The following DAB1 variants were observed in gnomAD, a reference collection of about 807,000 sequenced individuals.
DAB1 encodes the protein DAB adaptor protein 1.
In DAB1, 15 loss-of-function variants were observed where a neutral mutation model predicts 64.6. That is an observed-to-expected ratio of 0.23 (90% CI 0.16 to 0.36). DAB1 has a LOEUF of 0.36. DAB1 is among the 10% of genes least tolerant of loss of function. The pLI, the probability that DAB1 is intolerant of heterozygous loss-of-function variation, is 1.00. For missense variants in DAB1, 596 were observed against 706.7 expected (o/e 0.84, Z 1.78); for synonymous variants, 235 against 251.9 (o/e 0.93, Z 0.64).
downstream of DAB1, among the ~76,000 whole-genome samples, chr1:57,823,748 GC>G (rs1652227155): frequency 1.3e-5 from 2 of 152,074 alleles, no homozygotes; most frequent in African/African-American, 4.8e-5. Flanking sequence ...CATTTTTGGG[GC>G]CCCCATTCTC....
At chr1:57,733,619 A>C (rs1308034202) in intron 6 of DAB1, among the ~76,000 whole-genome samples, 2 of 152,182 alleles carry the variant, frequency 1.3e-5, no homozygotes, top group East Asian at 1.9e-4. Context: ...ATCTGCCCTC[A>C]GTATAGATAT....
upstream of DAB1, among the ~76,000 whole-genome samples, chr1:57,426,874 A>ATATATATTTTTTTT (rs57970737): frequency 6.7e-6 from 1 of 149,184 alleles, no homozygotes; most frequent in African/African-American, 2.5e-5. Flanking sequence ...ATATATATAT[A>ATATATATTTTTTTT]TTTTTTTGAG....
At chr1:58,473,749 A>G (rs1243309300) in intron 3 of DAB1, 1 of 485,812 alleles carries the variant, frequency 2.1e-6, no homozygotes. Context: ...TGATCTTACC[A>G]AGCCCTAATG....
intron 6 of DAB1, among the ~76,000 whole-genome samples, chr1:57,798,829 G>GT (rs1225261503): frequency 5.9e-5 from 9 of 152,302 alleles, no homozygotes; most frequent in African/African-American, 2.2e-4. Flanking sequence ...TGTTCCTTCT[G>GT]TTATCATTGA....
At chr1:57,072,064 T>TAA (rs71800606) in intron 5 of DAB1, among the ~76,000 whole-genome samples, 1,884 of 139,332 alleles carry the variant, frequency 0.014, 32 homozygotes, top group African/African-American at 0.04. Context: ...ACCCATTAGT[T>TAA]AAAAAAAAAA....
At chr1:58,048,880 C>G in intron 5 of DAB1, 1 of 927,858 alleles carries the variant, frequency 1.1e-6, no homozygotes, top group African/African-American at 1.6e-5. Flanking sequence ...CTGCCTCAGT[C>G]AGTCATGATT....
intron 6 of DAB1, among the ~76,000 whole-genome samples, chr1:57,689,592 G>A (rs903832877): frequency 3.9e-5 from 6 of 152,106 alleles, no homozygotes; most frequent in South Asian, 2.1e-4. Flanking sequence ...TACCTAGTAA[G>A]AACAAGTCAA....
At chr1:57,402,785 C>G (rs1683352258) in intron 1 of DAB1, among the ~76,000 whole-genome samples, 1 of 152,154 alleles carries the variant, frequency 6.6e-6, no homozygotes, top group African/African-American at 2.4e-5. Flanking sequence ...CAAGACCAGA[C>G]AGAATCCAAA....
chr1:57,628,106 T>G (rs1319432140), intron 7 of DAB1, among the ~76,000 whole-genome samples: 1 of 152,216 alleles, frequency 6.6e-6, no homozygotes, highest in Non-Finnish European at 1.5e-5. Flanking sequence ...AATTTGGAAC[T>G]GAGTCCTGAC....
intron 4 of DAB1, among the ~76,000 whole-genome samples, chr1:58,200,109 C>T (rs1657916809): frequency 6.6e-6 from 1 of 152,148 alleles, no homozygotes; most frequent in Non-Finnish European, 1.5e-5. Context: ...CAGTGGGGAT[C>T]ACAGACACTG....
At chr1:58,035,539 G>A (rs1647032133) in intron 5 of DAB1, among the ~76,000 whole-genome samples, 1 of 152,370 alleles carries the variant, frequency 6.6e-6, no homozygotes, top group Non-Finnish European at 1.5e-5. Flanking sequence ...GAGGCCCAAA[G>A]AGGATAGGTT....
intron 3 of DAB1, among the ~76,000 whole-genome samples, chr1:58,505,607 AT>A (rs1316203754): frequency 6.6e-6 from 1 of 151,912 alleles, no homozygotes; most frequent in Non-Finnish European, 1.5e-5. Context: ...AAACATGAAG[AT>A]TTTTTTTCCT....
intron 4 of DAB1, among the ~76,000 whole-genome samples, chr1:57,087,203 T>G (rs1286340686): frequency 6.6e-6 from 1 of 152,158 alleles, no homozygotes; most frequent in Non-Finnish European, 1.5e-5. Flanking sequence ...ATGTGACCAG[T>G]AGCAGTCCCT....
intron 6 of DAB1, among the ~76,000 whole-genome samples, chr1:57,665,055 C>T (rs1287898013): frequency 6.6e-6 from 1 of 151,800 alleles, no homozygotes; most frequent in Non-Finnish European, 1.5e-5. Context: ...AAACCTACGC[C>T]ATAAACAATA....
intron 3 of DAB1, among the ~76,000 whole-genome samples, chr1:58,417,536 G>A (rs1441451830): frequency 2.0e-5 from 3 of 152,230 alleles, no homozygotes; most frequent in African/African-American, 2.4e-5. Context: ...ATCCAGTGCA[G>A]AAAGGCTAAC....
intron 6 of DAB1, 174 bp downstream of exon 6, chr1:57,071,348 A>G (rs1308107930): frequency 2.6e-6 from 2 of 775,598 alleles, no homozygotes; most frequent in Non-Finnish European, 4.0e-6. Flanking sequence ...CTAGAGTTTA[A>G]GAGAATAAGG....
At chr1:57,535,251 G>C (rs1644712137) in intron 7 of DAB1, among the ~76,000 whole-genome samples, 1 of 151,984 alleles carries the variant, frequency 6.6e-6, no homozygotes, top group Non-Finnish European at 1.5e-5. Context: ...ATAACATGAG[G>C]GCAGGGAACA....
intron 1 of DAB1, among the ~76,000 whole-genome samples, chr1:57,379,411 A>G (rs1264967963): frequency 6.6e-6 from 1 of 152,192 alleles, no homozygotes; most frequent in South Asian, 2.1e-4. Context: ...AGCATGAACC[A>G]CCATATCTAA....
chr1:57,795,709 A>ATC (rs1379626763), intron 6 of DAB1, among the ~76,000 whole-genome samples: 1 of 129,924 alleles, frequency 7.7e-6, no homozygotes, highest in Non-Finnish European at 1.6e-5. Context: ...ATATATATAT[A>ATC]TATATATATA....
Sources: gnomAD v4.1 joint callset for allele counts (sites outside exome capture counted in the v4.1 genomes callset) on GRCh38, gnomAD v4.1.1 for gene constraint, MANE v1.5 for transcripts, NCBI Gene and HGNC (gene_info 2026-07-23, HGNC 2026-07-21) for gene names.